The following KCNK2 variants were observed in gnomAD, a reference collection of about 807,000 sequenced individuals.
KCNK2 encodes potassium channel subfamily K member 2.
KCNK2 carries 21 observed loss-of-function variants against 40.5 expected under a neutral mutation model. The observed-to-expected ratio is 0.52, with a 90% CI of 0.37 to 0.75. KCNK2 has a LOEUF of 0.75. KCNK2 is among the 30% of genes least tolerant of loss of function. The probability of loss-of-function intolerance (pLI) is 0.00; values close to 1 mark genes in which losing one functional copy is unlikely to be tolerated. For missense variants in KCNK2, 399 were observed against 531.6 expected (o/e 0.75, Z 2.45); for synonymous variants, 191 against 202.2 (o/e 0.94, Z 0.47).
intron 6 of KCNK2, among the ~76,000 whole-genome samples, chr1:215,204,582 G>T (rs1398464913): frequency 2.0e-5 from 3 of 152,188 alleles, no homozygotes; most frequent in Admixed American, 1.3e-4. Flanking sequence ...TGGCCACCAT[G>T]AACTTAGCTT....
chr1:215,101,412 G>C (rs1308980073), intron 2 of KCNK2, among the ~76,000 whole-genome samples: 2 of 151,800 alleles, frequency 1.3e-5, no homozygotes, highest in Admixed American at 6.6e-5. Flanking sequence ...GGTTTTTTGG[G>C]GTGGGCAGGA....
chr1:215,048,602 A>T (rs911342532), intron 1 of KCNK2, among the ~76,000 whole-genome samples: 1 of 152,206 alleles, frequency 6.6e-6, no homozygotes, highest in African/African-American at 2.4e-5. Flanking sequence ...TTTTGACTTA[A>T]ATTTTATTCA....
At chr1:215,227,991 C>T (rs1666461795) in intron 6 of KCNK2, among the ~76,000 whole-genome samples, 1 of 151,726 alleles carries the variant, frequency 6.6e-6, no homozygotes, top group Non-Finnish European at 1.5e-5. Context: ...AATGATTTCA[C>T]TTAGGGACAT....
At chr1:215,195,131 TA>T in intron 6 of KCNK2, 39 bp downstream of exon 6, 1 of 1,418,658 alleles carries the variant, frequency 7.0e-7, no homozygotes, top group Non-Finnish European at 9.7e-7. Context: ...TCTATTTAGT[TA>T]ATTCAATAAA....
At chr1:215,008,015 C>G (rs1039688285) in intron 1 of KCNK2, among the ~76,000 whole-genome samples, 1 of 151,858 alleles carries the variant, frequency 6.6e-6, no homozygotes, top group Non-Finnish European at 1.5e-5. Context: ...TGGTTGATAA[C>G]CTGCATGAAC....
intron 3 of KCNK2, among the ~76,000 whole-genome samples, chr1:215,159,416 TG>T (rs1339286616): frequency 6.6e-6 from 1 of 152,172 alleles, no homozygotes; most frequent in African/African-American, 2.4e-5. Flanking sequence ...GAGGAGACAC[TG>T]GGTGGACAAG....
intron 5 of KCNK2, among the ~76,000 whole-genome samples, chr1:215,190,130 T>A (rs1006082158): frequency 6.6e-6 from 1 of 152,192 alleles, no homozygotes; most frequent in Non-Finnish European, 1.5e-5. Context: ...AATATTTTGT[T>A]ATTCAGAAAA....
At chr1:215,195,200 T>G in intron 6 of KCNK2, 108 bp downstream of exon 6, 1 of 897,340 alleles carries the variant, frequency 1.1e-6, no homozygotes. Flanking sequence ...TTTAAAATGT[T>G]AATATTTTCT....
At chr1:215,106,252 T>C (rs1660435700) in intron 2 of KCNK2, among the ~76,000 whole-genome samples, 1 of 152,040 alleles carries the variant, frequency 6.6e-6, no homozygotes, top group Non-Finnish European at 1.5e-5. Context: ...CCAACACCTG[T>C]CATTTTTTTG....
intron 3 of KCNK2, among the ~76,000 whole-genome samples, chr1:215,147,932 A>G (rs1311799476): frequency 6.6e-6 from 1 of 152,136 alleles, no homozygotes; most frequent in Non-Finnish European, 1.5e-5. Context: ...TATTGAGGGC[A>G]TCTCCTAAAT....
At chr1:215,167,081 A>C (rs572777986) in intron 3 of KCNK2, among the ~76,000 whole-genome samples, 1 of 152,300 alleles carries the variant, frequency 6.6e-6, no homozygotes, top group South Asian at 2.1e-4. Context: ...GGAGGAAGAG[A>C]AAGATGGAAA....
chr1:215,078,702 G>A (rs1305257312), upstream of KCNK2, among the ~76,000 whole-genome samples: 1 of 152,184 alleles, frequency 6.6e-6, no homozygotes. Context: ...AACCATATCA[G>A]GAATGGACAT....
intron 3 of KCNK2, among the ~76,000 whole-genome samples, chr1:215,127,216 G>A (rs1571643159): frequency 6.6e-6 from 1 of 152,104 alleles, no homozygotes; most frequent in African/African-American, 2.4e-5. Flanking sequence ...GCTTCACGGA[G>A]CTGAGTTGGC....
At chr1:215,200,508 T>A (rs1215903859) in intron 6 of KCNK2, among the ~76,000 whole-genome samples, 1 of 152,214 alleles carries the variant, frequency 6.6e-6, no homozygotes, top group East Asian at 1.9e-4. Context: ...AGATTTTATA[T>A]GCCATTTGAA....
chr1:215,124,318 A>G (rs1661324492), intron 2 of KCNK2, among the ~76,000 whole-genome samples: 1 of 152,188 alleles, frequency 6.6e-6, no homozygotes, highest in Non-Finnish European at 1.5e-5. Context: ...ACTGGAGGAC[A>G]TTGTTAAATT....
chr1:215,198,623 G>T (rs1197914953), intron 6 of KCNK2, among the ~76,000 whole-genome samples: 1 of 152,108 alleles, frequency 6.6e-6, no homozygotes, highest in African/African-American at 2.4e-5. Context: ...CAAATGCCAG[G>T]TGACTGCTCA....
intron 2 of KCNK2, among the ~76,000 whole-genome samples, chr1:215,098,001 C>T (rs968152841): frequency 3.3e-5 from 5 of 151,944 alleles, no homozygotes; most frequent in Non-Finnish European, 5.9e-5. Context: ...TTGGATGATA[C>T]GATCACATCT....
intron 5 of KCNK2, among the ~76,000 whole-genome samples, chr1:215,191,054 G>A (rs1327333405): frequency 6.6e-6 from 1 of 151,674 alleles, no homozygotes; most frequent in African/African-American, 2.4e-5. Flanking sequence ...GGAGGCCAAG[G>A]CATGCAGATC....
At chr1:215,065,974 A>G (rs1437118927) in intron 1 of KCNK2, among the ~76,000 whole-genome samples, 1 of 152,148 alleles carries the variant, frequency 6.6e-6, no homozygotes, top group Admixed American at 6.5e-5. Context: ...AAAAAAATTG[A>G]TGAAGCTGGA....
Sources: gnomAD v4.1 joint callset for allele counts (sites outside exome capture counted in the v4.1 genomes callset) on GRCh38, gnomAD v4.1.1 for gene constraint, MANE v1.5 for transcripts, NCBI Gene and HGNC (gene_info 2026-07-23, HGNC 2026-07-21) for gene names.